The following ASIC2 variants were observed in gnomAD, a reference collection of about 807,000 sequenced individuals.
The protein encoded by ASIC2 is acid-sensing ion channel 2.
Under a neutral mutation model 57.3 loss-of-function variants are expected in ASIC2, and 25 were observed. That is an observed-to-expected ratio of 0.44 (90% CI 0.32 to 0.61). The LOEUF (loss-of-function observed/expected upper bound fraction) is 0.61, where lower values mean the gene tolerates loss of function less well. Ranked by LOEUF, ASIC2 falls within the 20% of genes least tolerant of loss-of-function variation. The probability of loss-of-function intolerance (pLI) is 0.06; values close to 1 mark genes in which losing one functional copy is unlikely to be tolerated. For synonymous variants in ASIC2, 319 were observed against 307.5 expected (o/e 1.04, Z -0.39); for missense variants, 641 against 738.1 (o/e 0.87, Z 1.52).
intron 1 of ASIC2, among the ~76,000 whole-genome samples, chr17:33,135,701 C>T (rs368919001): frequency 5.9e-5 from 9 of 152,024 alleles, no homozygotes; most frequent in South Asian, 2.1e-4. Flanking sequence ...GGGTTTAGAA[C>T]GGGTCTAAGG....
chr17:33,711,189 C>T (rs1278813122), intron 1 of ASIC2, among the ~76,000 whole-genome samples: 2 of 152,226 alleles, frequency 1.3e-5, no homozygotes, highest in Non-Finnish European at 2.9e-5. Flanking sequence ...ACCTGTGCCT[C>T]TGCTGCACTG....
intron 2 of ASIC2, among the ~76,000 whole-genome samples, chr17:33,096,599 G>A (rs2092180727): frequency 6.6e-6 from 1 of 152,148 alleles, no homozygotes; most frequent in African/African-American, 2.4e-5. Context: ...TGTCCTCCTG[G>A]AGCTCATGTT....
intron 1 of ASIC2, among the ~76,000 whole-genome samples, chr17:33,575,662 C>G (rs1916595485): frequency 6.6e-6 from 1 of 152,138 alleles, no homozygotes; most frequent in East Asian, 1.9e-4. Context: ...CCCAGGGGCT[C>G]CCAGAAATCA....
chr17:34,099,982 T>C (rs1269845603), intron 1 of ASIC2, among the ~76,000 whole-genome samples: 2 of 152,030 alleles, frequency 1.3e-5, no homozygotes, highest in African/African-American at 4.8e-5. Flanking sequence ...TCCCATGATA[T>C]TTGCTAATGG....
chr17:33,882,191 T>C (rs1355101141), intron 1 of ASIC2, among the ~76,000 whole-genome samples: 1 of 152,184 alleles, frequency 6.6e-6, no homozygotes, highest in African/African-American at 2.4e-5. Flanking sequence ...ATTCGGGACA[T>C]AGGCATGGGC....
intron 1 of ASIC2, among the ~76,000 whole-genome samples, chr17:33,213,104 C>T (rs1421045048): frequency 6.6e-6 from 1 of 152,216 alleles, no homozygotes; most frequent in Non-Finnish European, 1.5e-5. Context: ...TATTTTCATT[C>T]AGCTTTTATG....
At chr17:33,351,351 A>C (rs1021378577) in intron 1 of ASIC2, among the ~76,000 whole-genome samples, 5 of 152,064 alleles carry the variant, frequency 3.3e-5, no homozygotes, top group African/African-American at 1.2e-4. Context: ...GAATGGATGG[A>C]CAAGAGGTCC....
intron 1 of ASIC2, among the ~76,000 whole-genome samples, chr17:33,335,315 T>C (rs1434456606): frequency 1.3e-5 from 2 of 152,206 alleles, no homozygotes; most frequent in African/African-American, 2.4e-5. Flanking sequence ...ATAGTAATAA[T>C]GAAGGCTAGA....
intron 1 of ASIC2, among the ~76,000 whole-genome samples, chr17:33,858,573 C>A (rs1397449410): frequency 2.0e-5 from 3 of 152,256 alleles, no homozygotes; most frequent in East Asian, 1.9e-4. Context: ...TGTGAGCAGT[C>A]AGGAGCCGCC....
chr17:33,578,920 G>A lies in ASIC2; in HGVS notation c.556-466853C>T, dbSNP rs115404517. Among the ~76,000 whole-genome samples the A allele has an allele frequency of 4.4e-3, 669 of 152,262 alleles. 6 individuals carry two copies. The highest frequency in any genetic ancestry group is 0.016 in the African/African-American group (654 of 41,544). The stretch of plus-strand genomic sequence containing the variant: ...ACAGCAGGCAAGAAAAGATGGATGG[G>A]GTCAGAATTCTCTAGCTTCTGCTGC... On this transcript the variant is annotated intron_variant, in intron 1 of 9. Coordinates refer to the ASIC2 transcript ENST00000359872.
chr17:33,382,799 T>G (rs924872112), intron 1 of ASIC2, among the ~76,000 whole-genome samples: 1 of 152,202 alleles, frequency 6.6e-6, no homozygotes, highest in African/African-American at 2.4e-5. Context: ...AAATACTCAG[T>G]ACATGTTAGC....
rs149189062 is a variant in ASIC2 at position 33,789,733 on chromosome 17, T to G, written c.555+366245A>C. 1.7e-4 allele frequency among the ~76,000 whole-genome samples: 26 copies of G among 152,298 alleles called. No individual in the cohort carries two copies. The East Asian group carries it at 5.0e-3, about 29-fold the overall frequency. On this transcript the variant is annotated intron_variant, in intron 1 of 9. Transcript: ENST00000359872. ...CTTGGCATCTGGCTAAGGTTGTGTTTTAGATACATTTGTTTTGGGTTGAAT... is the reference window on the plus strand; with the variant it reads ...CTTGGCATCTGGCTAAGGTTGTGTTGTAGATACATTTGTTTTGGGTTGAAT...
intron 1 of ASIC2, among the ~76,000 whole-genome samples, chr17:33,871,577 C>T (rs960952192): frequency 1.4e-4 from 22 of 152,146 alleles, no homozygotes; most frequent in Admixed American, 1.4e-3. Flanking sequence ...CCTTGTCTTG[C>T]TCAGGATCTG....
chr17:33,990,831 C>T (rs1905980541), intron 1 of ASIC2, among the ~76,000 whole-genome samples: 1 of 152,118 alleles, frequency 6.6e-6, no homozygotes, highest in African/African-American at 2.4e-5. Flanking sequence ...TAACATCTCT[C>T]CCACAGCATT....
chr17:33,215,634 T>C (rs779607730), intron 1 of ASIC2, among the ~76,000 whole-genome samples: 25 of 151,952 alleles, frequency 1.6e-4, no homozygotes, highest in Non-Finnish European at 3.1e-4. Flanking sequence ...TATTAGTGGT[T>C]AGGTTTTGTT....
At chr17:33,163,455 G>T (rs1198740594) in intron 1 of ASIC2, among the ~76,000 whole-genome samples, 1 of 151,814 alleles carries the variant, frequency 6.6e-6, no homozygotes, top group Non-Finnish European at 1.5e-5. Context: ...TCATGAGGCT[G>T]ACCCCTTACC....
At chr17:33,105,740 C>T (rs1250055776) in intron 2 of ASIC2, among the ~76,000 whole-genome samples, 1 of 152,088 alleles carries the variant, frequency 6.6e-6, no homozygotes, top group African/African-American at 2.4e-5. Flanking sequence ...ATGGCTTTGA[C>T]CAAAATGCTG....
intron 1 of ASIC2, chr17:33,541,476 A>T (rs928016868): frequency 6.6e-6 from 1 of 152,136 alleles, no homozygotes; most frequent in African/African-American, 2.4e-5. Flanking sequence ...GCCAACAAAC[A>T]TCTAACTCTG....
intron 1 of ASIC2, among the ~76,000 whole-genome samples, chr17:33,269,651 C>CT (rs1158414585): frequency 3.4e-5 from 3 of 88,890 alleles, no homozygotes; most frequent in Non-Finnish European, 7.1e-5. Flanking sequence ...TCCTTCCTTC[C>CT]TTCCTTCCTT....
Sources: gnomAD v4.1 joint callset for allele counts (sites outside exome capture counted in the v4.1 genomes callset) on GRCh38, gnomAD v4.1.1 for gene constraint, MANE v1.5 for transcripts, NCBI Gene and HGNC (gene_info 2026-07-23, HGNC 2026-07-21) for gene names.